Variants in TAFA2 observed in about 807,000 individuals in gnomAD.
TAFA2 encodes chemokine-like protein TAFA-2.
Under a neutral mutation model 18.8 loss-of-function variants are expected in TAFA2, and 7 were observed. The ratio of observed to expected loss-of-function variants is 0.37; its 90% CI spans 0.21 to 0.70. The LOEUF (loss-of-function observed/expected upper bound fraction) is 0.70. TAFA2 is among the 30% of genes least tolerant of loss of function. TAFA2 has a pLI of 0.53. For missense variants in TAFA2, 122 were observed against 158.1 expected (o/e 0.77, Z 1.23); for synonymous variants, 60 against 54.2 (o/e 1.11, Z -0.47).
intron 1 of TAFA2, among the ~76,000 whole-genome samples, chr12:62,148,054 C>CA (rs59238199): frequency 0.15 from 22,388 of 151,408 alleles, 1,831 homozygotes; most frequent in African/African-American, 0.18. Flanking sequence ...ACTAAAAAGT[C>CA]AAAAAAAAGC....
intron 1 of TAFA2, among the ~76,000 whole-genome samples, chr12:62,202,980 A>G (rs1350718951): frequency 6.6e-6 from 1 of 151,840 alleles, no homozygotes; most frequent in Non-Finnish European, 1.5e-5. Context: ...GCACATGCCA[A>G]CATGCCCAGC....
chr12:61,939,721 A>G (rs1384117826), intron 1 of TAFA2, among the ~76,000 whole-genome samples: 1 of 152,204 alleles, frequency 6.6e-6, no homozygotes, highest in African/African-American at 2.4e-5. Context: ...AAAACAGGAC[A>G]ATACATTTGA....
At position 61,886,398 on chromosome 12, in the gene TAFA2, G is replaced by C. The variant is rs190338480; in HGVS notation, c.-1-18972C>G. Among the ~76,000 whole-genome samples the C allele has an allele frequency of 1.7e-3, 266 of 152,208 alleles. 3 individuals carry two copies. The highest frequency in any genetic ancestry group is 0.016 in the Admixed American group (250 of 15,292). On this transcript the variant is annotated intron_variant, in intron 1 of 4. Transcript: ENST00000416284. ...CTGCCCCCACTGCCACTGCCCCATG[G>C]AATGCTGCTCCTGAAACTTAGTCCT...
chr12:61,940,978 G>A (rs767296771), intron 1 of TAFA2, among the ~76,000 whole-genome samples: 71 of 152,034 alleles, frequency 4.7e-4, no homozygotes, highest in Non-Finnish European at 7.5e-4. Flanking sequence ...TATAGCATGT[G>A]TGAATGAGAA....
chr12:62,229,359 A>T (rs150966644), intron 1 of TAFA2, among the ~76,000 whole-genome samples: 1 of 152,162 alleles, frequency 6.6e-6, no homozygotes, highest in African/African-American at 2.4e-5. Flanking sequence ...GGTTTGTCAT[A>T]TGTGGCCTTT....
chr12:61,904,753 C>T (rs963061286), intron 1 of TAFA2, among the ~76,000 whole-genome samples: 1 of 152,130 alleles, frequency 6.6e-6, no homozygotes, highest in African/African-American at 2.4e-5. Context: ...TTCCCTTTCC[C>T]TCATTCGGTC....
At chr12:61,966,056 C>T (rs554970726) in intron 1 of TAFA2, among the ~76,000 whole-genome samples, 45 of 151,802 alleles carry the variant, frequency 3.0e-4, no homozygotes, top group Non-Finnish European at 5.5e-4. Context: ...CAAGACCCTG[C>T]TTCCAGTTTT....
chr12:62,153,104 T>C (rs2062340726), intron 1 of TAFA2, among the ~76,000 whole-genome samples: 1 of 152,176 alleles, frequency 6.6e-6, no homozygotes, highest in Non-Finnish European at 1.5e-5. Context: ...ATTGGAAATT[T>C]GCAAGTTGAA....
intron 2 of TAFA2, among the ~76,000 whole-genome samples, chr12:61,811,156 A>T (rs1256301605): frequency 6.6e-6 from 1 of 151,374 alleles, no homozygotes; most frequent in Non-Finnish European, 1.5e-5. Flanking sequence ...GTAACACACA[A>T]ATATTAGTTA....
chr12:62,052,666 C>T (rs17125747), intron 1 of TAFA2, among the ~76,000 whole-genome samples: 4,803 of 152,144 alleles, frequency 0.032, 253 homozygotes, highest in African/African-American at 0.11. Flanking sequence ...ACCATTGATT[C>T]CATTAGAATG....
chr12:61,982,953 T>C (rs547069807), intron 1 of TAFA2, among the ~76,000 whole-genome samples: 8 of 151,906 alleles, frequency 5.3e-5, no homozygotes, highest in Non-Finnish European at 1.2e-4. Flanking sequence ...AGTTCTTTAA[T>C]TCCCTTCTTC....
Position 61,785,843 on chromosome 12 carries a change from GTAAT to G in TAFA2, c.107-30823_107-30820del, listed in dbSNP as rs531355807. Among the ~76,000 whole-genome samples the G allele has an allele frequency of 2.9e-4, 44 of 151,668 alleles. 1 individual carries two copies. In the South Asian group the frequency reaches 4.6e-3, roughly 16 times the overall value. ...CCTCATTGTTAAGTGATTCATGACT[GTAAT>G]TACCAATCTAGGAAGAGTTTAAGCC... On this transcript the variant is annotated intron_variant, in intron 2 of 4. Coordinates refer to ENST00000416284, the MANE Select transcript of TAFA2 (RefSeq NM_178539.5).
chr12:62,024,286 A>T (rs1881244188), intron 1 of TAFA2, among the ~76,000 whole-genome samples: 1 of 152,166 alleles, frequency 6.6e-6, no homozygotes, highest in Non-Finnish European at 1.5e-5. Flanking sequence ...ACTGTAGTAT[A>T]TTAATAGAAA....
At chr12:61,928,391 T>C (rs543778713) in intron 1 of TAFA2, among the ~76,000 whole-genome samples, 1 of 152,246 alleles carries the variant, frequency 6.6e-6, no homozygotes, top group East Asian at 1.9e-4. Context: ...AAGACGTTTA[T>C]GTGGCCAAAA....
At chr12:62,073,746 A>G (rs1375165890) in intron 1 of TAFA2, among the ~76,000 whole-genome samples, 1 of 152,256 alleles carries the variant, frequency 6.6e-6, no homozygotes. Flanking sequence ...GTAGATACTT[A>G]GAATAGTTTT....
chr12:62,199,477 G>A (rs2062662333), intron 1 of TAFA2, among the ~76,000 whole-genome samples: 1 of 152,096 alleles, frequency 6.6e-6, no homozygotes, highest in Non-Finnish European at 1.5e-5. Context: ...TTCTGTTCCT[G>A]TGTTAGTTTG....
rs183942317 is a variant in TAFA2, at chr12:61,829,970, T to C, written c.106+37350A>G. On this transcript the variant is annotated intron_variant, in intron 2 of 4. Coordinates refer to ENST00000416284, the MANE Select transcript of TAFA2 (RefSeq NM_178539.5). ...ATGCAATAGCATGTCTTCAAGAACA[T>C]TGTAGACAATAAGAATGCAGAGAAG... Among the ~76,000 whole-genome samples the C allele has an allele frequency of 5.3e-4, 80 of 151,792 alleles. 1 individual carries two copies. The South Asian group carries it at 6.8e-3, about 13-fold the overall frequency.
At chr12:62,098,709 A>C (rs1288884627) in intron 1 of TAFA2, among the ~76,000 whole-genome samples, 3 of 152,176 alleles carry the variant, frequency 2.0e-5, no homozygotes, top group African/African-American at 7.2e-5. Flanking sequence ...CTGGCTTATA[A>C]AATAATACTC....
chr12:62,058,842 G>A (rs1882259521), intron 1 of TAFA2, among the ~76,000 whole-genome samples: 1 of 152,102 alleles, frequency 6.6e-6, no homozygotes, highest in Non-Finnish European at 1.5e-5. Flanking sequence ...AATGGCTCAC[G>A]CCTGTAATCC....
Sources: gnomAD v4.1 joint callset for allele counts (sites outside exome capture counted in the v4.1 genomes callset) on GRCh38, gnomAD v4.1.1 for gene constraint, MANE v1.5 for transcripts, NCBI Gene and HGNC (gene_info 2026-07-23, HGNC 2026-07-21) for gene names.